Variants in SPEG observed in about 807,000 individuals in gnomAD.
SPEG encodes striated muscle preferentially expressed protein kinase.
SPEG carries 114 observed loss-of-function variants against 300.4 expected under a neutral mutation model. The observed-to-expected ratio is 0.38, with a 90% CI of 0.33 to 0.44. The LOEUF is 0.44. Among genes scored for constraint, SPEG ranks in the 20% least tolerant of loss-of-function variants. The probability of loss-of-function intolerance (pLI) is 1.00; values close to 1 mark genes in which losing one functional copy is unlikely to be tolerated. For missense variants in SPEG, 4,201 were observed against 4,586.2 expected (o/e 0.92, Z 2.43); for synonymous variants, 1,964 against 2,018.9 (o/e 0.97, Z 0.73).
At position 219,480,840 on chromosome 2, in the gene SPEG, C is replaced by A; in HGVS notation, c.5369+143C>A. ...AGCCTCATGTGCATGAAGGTGGACA[C>A]CCCTGTCTGCATGCCCACACTCTGC... On this transcript the variant is annotated intron_variant, in intron 26 of 40. Transcript: ENST00000312358. This position sits in a 1 kb window ranked among gnomAD's most constrained non-coding sequence, Gnocchi z 5.3. 1.3e-6 allele frequency: 1 copy of A among 791,278 alleles called. No homozygotes were observed. The highest frequency in any genetic ancestry group is 2.3e-4 in the Middle Eastern group (1 of 4,330). 49.0% of individuals were successfully genotyped at this position (791,278 alleles called of 1,614,324 possible).
At position 219,435,184 on chromosome 2, in the gene SPEG, G is replaced by GC; in HGVS notation, c.211dup (p.Gln71ProfsTer65). ...GGCTGCGGGTGGTGGTGAGCGGGACGCCCCAGCCCAGCCTCCGCTGGTTCC... is the reference window on the plus strand; with the variant it reads ...GGCTGCGGGTGGTGGTGAGCGGGACGCCCCCAGCCCAGCCTCCGCTGGTTCC... On this transcript the variant is annotated frameshift_variant, in exon 1 of 41. Coordinates refer to ENST00000312358, the MANE Select transcript of SPEG (RefSeq NM_005876.5). LOFTEE classifies it high-confidence loss of function. The GC allele has an allele frequency of 2.0e-6, 3 of 1,476,364 alleles. No homozygotes were observed. Among genetic ancestry groups the GC allele is most frequent in the Non-Finnish European group, 2.7e-6 (3 of 1,123,082 alleles). 91.5% of individuals were successfully genotyped at this position (1,476,364 alleles called of 1,614,324 possible).
At chr2:219,463,202 C>G (rs1690897036) in intron 8 of SPEG, among the ~76,000 whole-genome samples, 1 of 151,526 alleles carries the variant, frequency 6.6e-6, no homozygotes, top group East Asian at 1.9e-4. Flanking sequence ...TAGCAAGACC[C>G]TATTGCTGAA....
At chr2:219,449,301 C>A (rs1471724599) in intron 4 of SPEG, 30 bp downstream of exon 4, 1 of 1,352,022 alleles carries the variant, frequency 7.4e-7, no homozygotes, top group South Asian at 1.9e-5. Flanking sequence ...TGACAAGGTG[C>A]CTGAACCCCC....
intron 31 of SPEG, among the ~76,000 whole-genome samples, chr2:219,487,628 G>A (rs1342243197): frequency 6.6e-6 from 1 of 152,186 alleles, no homozygotes; most frequent in Non-Finnish European, 1.5e-5. Context: ...GTCCCCCGAT[G>A]GCAGGTGGGA....
intron 6 of SPEG, chr2:219,461,388 A>C: frequency 1.0e-6 from 1 of 999,340 alleles, no homozygotes; most frequent in Non-Finnish European, 1.2e-6. Flanking sequence ...CCCTGGACCG[A>C]GGTCGGGATG....
In SPEG at chr2:219,473,695, A is replaced by G; in HGVS notation, c.4272-33A>G. 1 of 1,612,962 alleles carries G rather than the reference A, an allele frequency of 6.2e-7. No homozygotes were observed. Among genetic ancestry groups the G allele is most frequent in the Non-Finnish European group, 8.5e-7 (1 of 1,179,180 alleles). ...CCTGGCCGGAATGCCCTGGGGCAAG[A>G]TCTGGGTGACCTCCCTGTCATGTGT... On this transcript the variant is annotated intron_variant, in intron 17 of 40. Coordinates refer to ENST00000312358, the MANE Select transcript of SPEG (RefSeq NM_005876.5). This position sits in a 1 kb window ranked among gnomAD's most constrained non-coding sequence, Gnocchi z 4.6.
intron 18 of SPEG, 151 bp downstream of exon 18, chr2:219,474,054 A>G (rs1692129139): frequency 7.0e-6 from 5 of 710,026 alleles, no homozygotes; most frequent in South Asian, 4.1e-5. Context: ...TACAAATACC[A>G]TATTAGTAAT....
Position 219,452,662 on chromosome 2 carries a change from A to C in SPEG, c.2440+855A>C, listed in dbSNP as rs538199290. Among the ~76,000 whole-genome samples the C allele has an allele frequency of 6.6e-5, 10 of 152,168 alleles. No individual in the cohort carries two copies. In the South Asian group the frequency reaches 1.2e-3, roughly 19 times the overall value. The stretch of plus-strand genomic sequence containing the variant: ...ATGGATCTAGTGCCGAGGACATCCG[A>C]GCCGTTGCTTAGTGTTCTGGGATGC... On this transcript the variant is annotated intron_variant, in intron 6 of 40. Transcript: ENST00000312358.
chr2:219,492,212 C>T lies in SPEG; in HGVS notation c.9563C>T (p.Ser3188Phe), dbSNP rs1248190148. Residue 3188 changes from serine (S) to phenylalanine (F), a missense_variant, in exon 40 of 41, where the codon TCC becomes TTC. By Grantham distance (155) the Ser-to-Phe change is radical. Around this residue, in one of 4 missense-constraint regions of SPEG, gnomAD observed 318 missense variants for 429.5 expected, o/e 0.74. Coordinates refer to ENST00000312358, the MANE Select transcript of SPEG (RefSeq NM_005876.5). ...FDAFQLYPNT[S>F]QSATLFLRKV... is the part of the protein sequence containing the mutation. ...GCCTTCCAGCTGTACCCCAATACAT[C>T]CCAGAGCGCCACCCTCTTCTTGCGA... The T allele has an allele frequency of 6.2e-7, 1 of 1,613,622 alleles. No homozygotes were observed. The highest frequency in any genetic ancestry group is 8.5e-7 in the Non-Finnish European group (1 of 1,179,926).
intron 1 of SPEG, among the ~76,000 whole-genome samples, chr2:219,436,259 C>T (rs1954716302): frequency 2.0e-5 from 3 of 152,250 alleles, no homozygotes; most frequent in Admixed American, 2.0e-4. Flanking sequence ...GCCCAGTGCT[C>T]ATGGTCCAGC....
intron 6 of SPEG, 130 bp from the exon 7 acceptor site, chr2:219,461,749 TGGG>T: frequency 9.8e-7 from 1 of 1,021,276 alleles, no homozygotes; most frequent in Non-Finnish European, 1.5e-6. Context: ...CGCAGGAGCC[TGGG>T]GGTGAAGTCA....
At chr2:219,441,099 T>C (rs1237602717) in intron 1 of SPEG, among the ~76,000 whole-genome samples, 1 of 152,250 alleles carries the variant, frequency 6.6e-6, no homozygotes, top group Non-Finnish European at 1.5e-5. Flanking sequence ...GTAAAGTGCC[T>C]GGCACTTAGT....
In SPEG at chr2:219,490,621, G is replaced by T. The variant is rs369047644; in HGVS notation, c.9134G>T (p.Arg3045Leu). The T allele has an allele frequency of 6.2e-7, 1 of 1,611,756 alleles. No individual in the cohort carries two copies. Among genetic ancestry groups the T allele is most frequent in the Non-Finnish European group, 8.5e-7 (1 of 1,177,990 alleles). ...LVLIAESCGN[R>L]ELLCGLSDRF... ...CTCATTGCTGAGAGCTGTGGCAACCGGGAACTCCTCTGTGGGCTCAGTGAC... is the reference window on the plus strand; with the variant it reads ...CTCATTGCTGAGAGCTGTGGCAACCTGGAACTCCTCTGTGGGCTCAGTGAC... Residue 3045 changes from arginine to leucine, a missense_variant, in exon 37 of 41, where the codon CGG (arginine) becomes CTG (leucine). Around this residue, in one of 4 missense-constraint regions of SPEG, gnomAD observed 318 missense variants for 429.5 expected, o/e 0.74. Coordinates refer to ENST00000312358, the MANE Select transcript of SPEG (RefSeq NM_005876.5).
At chr2:219,485,325 C>T (rs1348291720) in intron 30 of SPEG, 21 bp from the exon 31 acceptor site, 3 of 1,598,072 alleles carry the variant, frequency 1.9e-6, no homozygotes, top group Non-Finnish European at 1.7e-6. Flanking sequence ...AACAAATACT[C>T]ACGGGCCTGA....
rs1349262573 is a variant in SPEG, at chr2:219,462,347, G to A, written c.2666G>A (p.Ser889Asn). 3.2e-6 allele frequency: 5 copies of A among 1,567,140 alleles called. No homozygotes were observed. The highest frequency in any genetic ancestry group is 4.3e-6 in the Non-Finnish European group (5 of 1,155,098). Residue 889 changes from serine (S) to asparagine (N), a missense_variant, in exon 8 of 41, where the codon AGC becomes AAC. Ser to Asn is a conservative substitution (Grantham distance 46, BLOSUM62 1). Coordinates refer to ENST00000312358, the MANE Select transcript of SPEG (RefSeq NM_005876.5). The stretch of plus-strand genomic sequence containing the variant: ...AGAGAAGGCCAAGATGTCATCATGA[G>A]CATCCGCGTGCAGGGGGAGCCCAAG... ...SVREGQDVIM[S>N]IRVQGEPKPV...
In SPEG at chr2:219,464,096, C is replaced by G. The variant is rs1264584957; in HGVS notation, c.2706-337C>G. The stretch of plus-strand genomic sequence containing the variant: ...TGTGATTGTGCCACTGCACTCCAGC[C>G]TGGGTGACAGAGGGAAACCCTGTTT... On this transcript the variant is annotated intron_variant, in intron 8 of 40. Coordinates refer to ENST00000312358, the MANE Select transcript of SPEG (RefSeq NM_005876.5). This position sits in a 1 kb window ranked among gnomAD's most constrained non-coding sequence, Gnocchi z 4.5. Among the ~76,000 whole-genome samples the G allele has an allele frequency of 1.3e-5, 2 of 150,578 alleles. No homozygotes were observed. The highest frequency in any genetic ancestry group is 3.0e-5 in the Non-Finnish European group (2 of 67,764).
In SPEG at chr2:219,448,786, A is replaced by G; in HGVS notation, c.1628A>G (p.Lys543Arg). Residue 543 changes from lysine to arginine, a missense_variant, in exon 4 of 41, where the codon AAG becomes AGG. By Grantham distance (26) the Lys-to-Arg change is conservative (BLOSUM62 2). Transcript: ENST00000312358. Reference protein sequence around the residue: ...PPLFSRPSTPKTSRAVSPAAA... With the variant: ...PPLFSRPSTPRTSRAVSPAAA... ...CTCTTCTCTCGGCCCTCCACCCCCA[A>G]GACATCGCGGGCCGTGAGCCCCGCC... 1 of 1,417,682 alleles carries G rather than the reference A, an allele frequency of 7.1e-7. No individual in the cohort carries two copies. Among genetic ancestry groups the G allele is most frequent in the Non-Finnish European group, 9.1e-7 (1 of 1,093,458 alleles). 87.8% of individuals were successfully genotyped at this position (1,417,682 alleles called of 1,614,324 possible). A position where few individuals can be genotyped will look rare whatever the true frequency, so the allele number is the denominator to read the frequency against.
At chr2:219,450,410 A>G (rs2125299219) in intron 4 of SPEG, among the ~76,000 whole-genome samples, 1 of 152,318 alleles carries the variant, frequency 6.6e-6, no homozygotes, top group African/African-American at 2.4e-5. Flanking sequence ...GGCTATGTAC[A>G]TTGTCCTTTA....
chr2:219,491,952 C>A, intron 39 of SPEG, 83 bp downstream of exon 39: 1 of 1,368,236 alleles, frequency 7.3e-7, no homozygotes, highest in Non-Finnish European at 1.0e-6. Flanking sequence ...CCCTCTCCCC[C>A]GTGCCCCACC....
Sources: allele counts gnomAD v4.1 joint callset (sites outside exome capture counted in the v4.1 genomes callset), GRCh38; gene constraint gnomAD v4.1.1; regional missense constraint gnomAD v4.1.1; non-coding constraint Gnocchi (gnomAD v3.1); transcripts MANE v1.5; gene names NCBI Gene and HGNC (gene_info 2026-07-23, HGNC 2026-07-21).